ZNF536: variants seen among roughly 807,000 people sequenced by gnomAD.
The protein encoded by ZNF536 is zinc finger protein 536.
ZNF536 carries 13 observed loss-of-function variants against 84.5 expected under a neutral mutation model. The observed-to-expected ratio is 0.15, with a 90% CI of 0.10 to 0.24. The LOEUF (loss-of-function observed/expected upper bound fraction) is 0.24, where lower values mean the gene tolerates loss of function less well. Ranked by LOEUF, ZNF536 falls within the 10% of genes least tolerant of loss-of-function variation. The pLI is 1.00. For missense variants in ZNF536, 1,536 were observed against 1,747.5 expected (o/e 0.88, Z 2.16); for synonymous variants, 811 against 742.5 (o/e 1.09, Z -1.50).
At chr19:30,622,706 G>T (rs1360344233) in intron 1 of ZNF536, among the ~76,000 whole-genome samples, 3 of 152,186 alleles carry the variant, frequency 2.0e-5, no homozygotes, top group African/African-American at 7.2e-5. Flanking sequence ...GCAGCTGTAG[G>T]TTGAAGGCCC....
rs569035673 is a variant in ZNF536 at position 30,541,117 on chromosome 19, A to G, written c.2323+6118A>G. Among the ~76,000 whole-genome samples the G allele has an allele frequency of 1.6e-4, 24 of 152,318 alleles. 1 individual carries two copies. Among genetic ancestry groups the G allele is most frequent in the African/African-American group, 5.5e-4 (23 of 41,570 alleles). On this transcript the variant is annotated intron_variant, in intron 3 of 4. Transcript: ENST00000355537. The stretch of plus-strand genomic sequence containing the variant: ...ATGGTGGAAACCACCTTTCATCTTC[A>G]AAGTGCTTCCCGAGCAGTGGCTGGT...
At chr19:30,684,881 T>C (rs1427202389) in intron 1 of ZNF536, among the ~76,000 whole-genome samples, 1 of 152,136 alleles carries the variant, frequency 6.6e-6, no homozygotes, top group Admixed American at 6.5e-5. Context: ...GCAGATGCAG[T>C]TGCACCCTAT....
intron 2 of ZNF536, among the ~76,000 whole-genome samples, chr19:30,460,024 GGACTTACCTCATA>G (rs2053059990): frequency 6.6e-6 from 1 of 152,132 alleles, no homozygotes; most frequent in Non-Finnish European, 1.5e-5. Context: ...GCAACCCCAT[GGACTTACCTCATA>G]GTAGCAAAAT....
chr19:30,322,290 G>A (rs1036222), intron 2 of ZNF536, among the ~76,000 whole-genome samples: 146,162 of 152,276 alleles, frequency 0.96, 70,239 homozygotes, highest in Non-Finnish European at 0.98. Context: ...GTTATTTCCA[G>A]TAGTTTTTCT....
At chr19:30,475,912 TC>T (rs1341159204) in intron 2 of ZNF536, among the ~76,000 whole-genome samples, 2 of 152,146 alleles carry the variant, frequency 1.3e-5, no homozygotes, top group Non-Finnish European at 2.9e-5. Context: ...TTACCTGCTT[TC>T]TCCTATGAAG....
chr19:30,364,512 T>C (rs896338470), intron 3 of ZNF536, among the ~76,000 whole-genome samples: 11 of 152,214 alleles, frequency 7.2e-5, no homozygotes, highest in Non-Finnish European at 7.3e-5. Flanking sequence ...AGAAAGATCC[T>C]GTCTTAAAAA....
chr19:30,620,058 G>T (rs1359326467), intron 1 of ZNF536, among the ~76,000 whole-genome samples: 3 of 147,544 alleles, frequency 2.0e-5, no homozygotes, highest in Non-Finnish European at 3.0e-5. Context: ...TGATAATTTA[G>T]GTACACAAAA....
chr19:30,482,152 G>A (rs1033253177), intron 2 of ZNF536, among the ~76,000 whole-genome samples: 22 of 152,102 alleles, frequency 1.4e-4, no homozygotes, highest in African/African-American at 4.3e-4. Context: ...TGTGTGTATT[G>A]TGTGTCTTTT....
chr19:30,234,168 G>T (rs1486921501), intron 1 of ZNF536, among the ~76,000 whole-genome samples: 4 of 152,184 alleles, frequency 2.6e-5, no homozygotes, highest in African/African-American at 9.7e-5. Context: ...CAGGAGAAAT[G>T]ATCACCGTAG....
At chr19:30,478,979 T>C (rs1392144076) in intron 2 of ZNF536, among the ~76,000 whole-genome samples, 1 of 152,184 alleles carries the variant, frequency 6.6e-6, no homozygotes, top group Non-Finnish European at 1.5e-5. Flanking sequence ...TGGTTCCCAC[T>C]GAGTTACTCA....
chr19:30,464,206 A>G (rs1180039318), intron 2 of ZNF536, among the ~76,000 whole-genome samples: 1 of 152,012 alleles, frequency 6.6e-6, no homozygotes, highest in African/African-American at 2.4e-5. Context: ...ACCAAGTTCT[A>G]TGGACACGAT....
intron 1 of ZNF536, among the ~76,000 whole-genome samples, chr19:30,625,206 G>T (rs779718672): frequency 6.6e-6 from 1 of 152,108 alleles, no homozygotes; most frequent in Non-Finnish European, 1.5e-5. Context: ...GCTGAGCTCT[G>T]CCCCTCACAC....
intron 1 of ZNF536, among the ~76,000 whole-genome samples, chr19:30,614,612 C>G (rs892155960): frequency 6.6e-6 from 1 of 151,894 alleles, no homozygotes; most frequent in Non-Finnish European, 1.5e-5. Context: ...GAACATCTTT[C>G]CATATGTTTA....
rs1568677297 is a variant in ZNF536 at position 30,693,020 on chromosome 19, G to GA, written c.170-17737_170-17736insA. 1.1e-4 allele frequency among the ~76,000 whole-genome samples: 17 copies of GA among 149,820 alleles called. No individual in the cohort carries two copies. The South Asian group carries it at 3.5e-3, about 31-fold the overall frequency. ...TTAGTTTAGCAGCTCCAAAACCTGGGGGGGAGAGAGAGAGAGAGAGAGAGA... is the reference window on the plus strand; with the variant it reads ...TTAGTTTAGCAGCTCCAAAACCTGGGAGGGGAGAGAGAGAGAGAGAGAGAGA... On this transcript the variant is annotated intron_variant, in intron 1 of 1. Coordinates refer to the ZNF536 transcript ENST00000592773.
chr19:30,425,101 G>A (rs1305788073), intron 1 of ZNF536, among the ~76,000 whole-genome samples: 1 of 152,122 alleles, frequency 6.6e-6, no homozygotes, highest in Non-Finnish European at 1.5e-5. Context: ...GAAAGAGTAG[G>A]AAAGGGGTGA....
At chr19:30,274,707 C>G (rs543090120) in intron 1 of ZNF536, among the ~76,000 whole-genome samples, 19 of 152,200 alleles carry the variant, frequency 1.2e-4, no homozygotes, top group Non-Finnish European at 2.1e-4. Context: ...ATTTCGTCAC[C>G]CAGGTAATCA....
intron 1 of ZNF536, among the ~76,000 whole-genome samples, chr19:30,253,313 A>C (rs2145121319): frequency 6.6e-6 from 1 of 152,374 alleles, no homozygotes; most frequent in South Asian, 2.1e-4. Flanking sequence ...TGCTATAATT[A>C]GAATTCTATA....
At chr19:30,678,054 A>G (rs1398686683) in intron 1 of ZNF536, among the ~76,000 whole-genome samples, 2 of 152,206 alleles carry the variant, frequency 1.3e-5, no homozygotes, top group Non-Finnish European at 2.9e-5. Flanking sequence ...GACAGTTTAT[A>G]TTTAAAAGCA....
chr19:30,229,571 T>G (rs1232936248), intron 1 of ZNF536, among the ~76,000 whole-genome samples: 1 of 151,374 alleles, frequency 6.6e-6, no homozygotes, highest in Non-Finnish European at 1.5e-5. Flanking sequence ...CTGCGGGTGG[T>G]GGGGGGGGCT....
Sources: allele counts gnomAD v4.1 joint callset (sites outside exome capture counted in the v4.1 genomes callset), GRCh38; gene constraint gnomAD v4.1.1; transcripts MANE v1.5; gene names NCBI Gene and HGNC (gene_info 2026-07-23, HGNC 2026-07-21).